The following RNF17 variants were observed in gnomAD, a reference collection of about 807,000 sequenced individuals.
The protein encoded by RNF17 is spermatogenesis associated 23.
A neutral mutation model predicts 200.5 loss-of-function variants in RNF17; 31 were observed. The observed-to-expected ratio is 0.15, with a 90% CI of 0.12 to 0.21. The LOEUF (loss-of-function observed/expected upper bound fraction) is 0.21, where lower values mean the gene tolerates loss of function less well. Ranked by LOEUF, RNF17 falls within the 10% of genes least tolerant of loss-of-function variation. RNF17 has a pLI of 1.00. For missense variants in RNF17, 1,628 were observed against 1,905.1 expected (o/e 0.85, Z 2.71); for synonymous variants, 606 against 637.8 (o/e 0.95, Z 0.75).
At chr13:24,760,140 CA>C, upstream of RNF17, among the ~76,000 whole-genome samples, 1 of 151,994 alleles carries the variant, frequency 6.6e-6, no homozygotes, top group South Asian at 2.1e-4. Flanking sequence ...GACTCCATCT[CA>C]AAAAATATAT....
At chr13:24,878,164 C>T (rs879532848) in intron 34 of RNF17, among the ~76,000 whole-genome samples, 4 of 152,158 alleles carry the variant, frequency 2.6e-5, no homozygotes, top group Admixed American at 2.6e-4. Flanking sequence ...TTTGGGGATT[C>T]CTGACACACT....
chr13:24,832,030 T>C, intron 18 of RNF17, 52 bp downstream of exon 18: 1 of 1,243,158 alleles, frequency 8.0e-7, no homozygotes, highest in East Asian at 2.6e-5. Context: ...TAAATAATAA[T>C]ATGAATAACA....
the RNF17 span, among the ~76,000 whole-genome samples, chr13:24,755,662 G>A: frequency 6.6e-6 from 1 of 152,140 alleles, no homozygotes; most frequent in African/African-American, 2.4e-5. Flanking sequence ...TTGGTTTTAT[G>A]AAAAGTTTCG....
intron 29 of RNF17, among the ~76,000 whole-genome samples, chr13:24,865,315 AGAGGGC>A (rs1401777704): frequency 6.6e-6 from 1 of 152,230 alleles, no homozygotes; most frequent in African/African-American, 2.4e-5. Flanking sequence ...CAGTACCAGC[AGAGGGC>A]TCTTGCTCCA....
intron 31 of RNF17, 89 bp from the exon 32 acceptor site, chr13:24,870,482 G>A: frequency 8.8e-7 from 1 of 1,133,600 alleles, no homozygotes; most frequent in Non-Finnish European, 1.3e-6. Flanking sequence ...AGCATCGCTG[G>A]AGGCTGTCTG....
chr13:24,820,107 C>CT (rs1887853201), intron 15 of RNF17, among the ~76,000 whole-genome samples: 2 of 117,154 alleles, frequency 1.7e-5, no homozygotes, highest in African/African-American at 6.6e-5. Flanking sequence ...TTTCTTGTCT[C>CT]TTTTTTCTTT....
intron 2 of RNF17, among the ~76,000 whole-genome samples, chr13:24,773,032 C>T (rs768783381): frequency 2.6e-5 from 4 of 152,066 alleles, no homozygotes; most frequent in Non-Finnish European, 4.4e-5. Context: ...ATCAGAATGT[C>T]TATTATTAAA....
In RNF17 at chr13:24,796,010, A is replaced by G. The variant is rs1009315352; in HGVS notation, c.1241-127A>G. ...GGGCTTGCACTACTTCCTGGGGCCGACGTGCGATATTCCCAGAGTTCACAA... is the reference window on the plus strand; with the variant it reads ...GGGCTTGCACTACTTCCTGGGGCCGGCGTGCGATATTCCCAGAGTTCACAA... On this transcript the variant is annotated intron_variant, in intron 10 of 35. Coordinates refer to ENST00000255324, the MANE Select transcript of RNF17 (RefSeq NM_031277.3). The G allele has an allele frequency of 7.3e-5, 40 of 551,010 alleles. 1 individual carries two copies. The South Asian group carries it at 1.5e-3, about 21-fold the overall frequency. The allele number at this position is 551,010 out of a possible 1,614,324, so 34.1% of individuals were successfully genotyped here. A position where few individuals can be genotyped will look rare whatever the true frequency, so the allele number is the denominator to read the frequency against.
rs775496719 is a variant in RNF17, at chr13:24,866,244, C to A, written c.4161+41C>A. The stretch of plus-strand genomic sequence containing the variant: ...AGTATTTTGGAAACTTTGGACACTT[C>A]ATTAATAAAAAGGATCTGATACAGG... On this transcript the variant is annotated intron_variant, in intron 30 of 35. Transcript: ENST00000255324. 3.6e-6 allele frequency: 4 copies of A among 1,098,482 alleles called. No individual in the cohort carries two copies. The South Asian group carries it at 4.1e-5, about 11-fold the overall frequency. 68.0% of individuals were successfully genotyped at this position (1,098,482 alleles called of 1,614,324 possible).
At chr13:24,772,426 ATT>A (rs34066913) in intron 2 of RNF17, among the ~76,000 whole-genome samples, 2,282 of 106,096 alleles carry the variant, frequency 0.022, 46 homozygotes, top group African/African-American at 0.073. Flanking sequence ...TTGAGTCTCC[ATT>A]TTTTTTTTTT....
Position 24,796,283 on chromosome 13 carries a change from A to G in RNF17, c.1387A>G (p.Ile463Val), listed in dbSNP as rs1245504169. 2 of 1,594,946 alleles carry G rather than the reference A, an allele frequency of 1.3e-6. No individual in the cohort carries two copies. The highest frequency in any genetic ancestry group is 2.7e-5 in the African/African-American group (2 of 74,168). Residue 463 changes from isoleucine to valine, a missense_variant, in exon 11 of 36, where the codon ATT (isoleucine) becomes GTT (valine). Around this residue, in one of 5 missense-constraint regions of RNF17, gnomAD observed 289 missense variants for 384.9 expected, o/e 0.75. Transcript: ENST00000255324. ...NRSSHLDPSD[I>V]LELGARIFVS... is the part of the protein sequence containing the mutation. ...GAGTTCACACCTTGATCCTTCAGAC[A>G]TTTTGGAACTAGGTAATGAAATATT... is the stretch of plus-strand genomic sequence containing the variant.
chr13:24,805,339 A>G (rs893655103), intron 15 of RNF17, among the ~76,000 whole-genome samples: 18 of 152,036 alleles, frequency 1.2e-4, no homozygotes, highest in Admixed American at 7.9e-4. Context: ...CCCTGTACCT[A>G]TTAAACAATC....
At chr13:24,874,343 G>T in intron 33 of RNF17, 94 bp downstream of exon 33, 1 of 1,027,886 alleles carries the variant, frequency 9.7e-7, no homozygotes, top group Non-Finnish European at 1.4e-6. Flanking sequence ...AAAGAAAAGG[G>T]TTATTCTAAG....
chr13:24,771,682 T>TTATA (rs376223792), intron 2 of RNF17, among the ~76,000 whole-genome samples: 1 of 151,050 alleles, frequency 6.6e-6, no homozygotes, highest in Non-Finnish European at 1.5e-5. Flanking sequence ...TAACTCAAAG[T>TTATA]TATATATATA....
chr13:24,864,714 C>T (rs1185683699), intron 28 of RNF17, among the ~76,000 whole-genome samples, 159 bp from the exon 29 acceptor site: 2 of 152,054 alleles, frequency 1.3e-5, no homozygotes, highest in Admixed American at 6.6e-5. Flanking sequence ...CCTTATAGCG[C>T]GTCAAAATAC....
Position 24,871,853 on chromosome 13 carries a change from G to C in RNF17, c.4447+1114G>C, listed in dbSNP as rs117516980. Among the ~76,000 whole-genome samples the C allele has an allele frequency of 5.3e-3, 806 of 151,766 alleles. 23 individuals are homozygous for C. In the East Asian group the frequency reaches 0.08, roughly 15 times the overall value. On this transcript the variant is annotated intron_variant, in intron 32 of 35. Transcript: ENST00000255324. ...TCACTATCTTGGCCGGTCTGGTCTCGAATTCCTGACCTCGTGATCCACCCG... is the reference window on the plus strand; with the variant it reads ...TCACTATCTTGGCCGGTCTGGTCTCCAATTCCTGACCTCGTGATCCACCCG...
At chr13:24,778,603 TTGAC>T (rs1353729113) in intron 4 of RNF17, among the ~76,000 whole-genome samples, 197 bp downstream of exon 4, 1 of 152,226 alleles carries the variant, frequency 6.6e-6, no homozygotes, top group African/African-American at 2.4e-5. Flanking sequence ...TGTTCTACCT[TTGAC>T]TGACTCTGTT....
At chr13:24,827,530 G>A (rs143927246) in intron 16 of RNF17, among the ~76,000 whole-genome samples, 29 of 151,220 alleles carry the variant, frequency 1.9e-4, no homozygotes, top group African/African-American at 4.1e-4. Flanking sequence ...GTGAAACCCC[G>A]TCTCTACTAA....
intron 35 of RNF17, 79 bp downstream of exon 35, chr13:24,879,374 G>A: frequency 2.2e-6 from 2 of 915,228 alleles, no homozygotes; most frequent in Non-Finnish European, 3.4e-6. Flanking sequence ...AAGCACCCGT[G>A]GATTTTCCTT....
Sources: gnomAD v4.1 joint callset for allele counts (sites outside exome capture counted in the v4.1 genomes callset) on GRCh38, gnomAD v4.1.1 for gene constraint, gnomAD v4.1.1 regional missense constraint, MANE v1.5 for transcripts, NCBI Gene and HGNC (gene_info 2026-07-23, HGNC 2026-07-21) for gene names.